ACSBG2: variants seen among roughly 807,000 people sequenced by gnomAD.
ACSBG2 encodes long-chain-fatty-acid--CoA ligase ACSBG2.
A neutral mutation model predicts 74.7 loss-of-function variants in ACSBG2; 62 were observed. The observed-to-expected ratio is 0.83, with a 90% CI of 0.68 to 1.03. The LOEUF (loss-of-function observed/expected upper bound fraction) is 1.03. Ranked by LOEUF, ACSBG2 falls within the 50% of genes least tolerant of loss-of-function variation. ACSBG2 has a pLI of 0.00. For missense variants in ACSBG2, 730 were observed against 817.6 expected, an observed-to-expected ratio of 0.89 and a Z score of 1.31; for synonymous variants, 309 against 294.1, an observed-to-expected ratio of 1.05 and a Z score of -0.52.
At chr19:6,166,224 T>C (rs1287045188) in intron 7 of ACSBG2, among the ~76,000 whole-genome samples, 4 of 151,042 alleles carry the variant, frequency 2.6e-5, no homozygotes, top group African/African-American at 7.3e-5. Flanking sequence ...AGCAGAAAAA[T>C]GTCTGGCAGG....
At chr19:6,188,389 C>G (rs1214684423) in intron 13 of ACSBG2, among the ~76,000 whole-genome samples, 1 of 152,164 alleles carries the variant, frequency 6.6e-6, no homozygotes, top group East Asian at 1.9e-4. Flanking sequence ...GCCTGTAATC[C>G]CAACACTTTG....
In ACSBG2 at chr19:6,187,579, A is replaced by G; in HGVS notation, c.1681-20A>G. ...TGCTGGTCAAGGAGCATGGGTGGTG[A>G]CAGAGGTGTCTGGGGGCAGTGTGAG... is the stretch of plus-strand genomic sequence containing the variant. On this transcript the variant is annotated intron_variant, in intron 12 of 14. Transcript: ENST00000588485. 1 of 1,613,766 alleles carries G rather than the reference A, an allele frequency of 6.2e-7. No individual in the cohort carries two copies. The highest frequency in any genetic ancestry group is 8.5e-7 in the Non-Finnish European group (1 of 1,179,850).
At chr19:6,150,102 AT>A (rs1394780275) in intron 3 of ACSBG2, among the ~76,000 whole-genome samples, 3 of 151,622 alleles carry the variant, frequency 2.0e-5, no homozygotes, top group East Asian at 3.9e-4. Flanking sequence ...AAAAATAATA[AT>A]AATAAAATAA....
chr19:6,145,494 G>C (rs1290212243), intron 2 of ACSBG2, among the ~76,000 whole-genome samples: 1 of 150,624 alleles, frequency 6.6e-6, no homozygotes, highest in Non-Finnish European at 1.5e-5. Flanking sequence ...CAACACAGCT[G>C]CCTACTCTAC....
chr19:6,179,060 G>A (rs148332151), intron 8 of ACSBG2, among the ~76,000 whole-genome samples: 49 of 152,224 alleles, frequency 3.2e-4, no homozygotes, highest in Admixed American at 5.9e-4. Flanking sequence ...AAGTAAGGGC[G>A]GTTTTCTGGA....
At position 6,139,066 on chromosome 19, in the gene ACSBG2, C is replaced by T. The variant is rs181160750; in HGVS notation, c.-31-2447C>T. Among the ~76,000 whole-genome samples, 6 of 149,886 alleles carry T rather than the reference C, an allele frequency of 4.0e-5. No individual in the cohort carries two copies. In the East Asian group the frequency reaches 7.9e-4, roughly 20 times the overall value. ...AACTCCGTAGGCTCATTCAAGTTCACTTTACTTATTTTTAAAATTAAACTT... is the reference window on the plus strand; with the variant it reads ...AACTCCGTAGGCTCATTCAAGTTCATTTTACTTATTTTTAAAATTAAACTT... On this transcript the variant is annotated intron_variant, in intron 1 of 14. Transcript: ENST00000588485.
rs138770271 is a variant in ACSBG2, at chr19:6,183,538, G to A, written c.1322+266G>A. ...TGTGAGTTCTGCCTTCAAGGTCACC[G>A]CCTGTGACCTCAGCACCTTTCATCC... On this transcript the variant is annotated intron_variant, in intron 10 of 14. Coordinates refer to ENST00000588485, the MANE Select transcript of ACSBG2 (RefSeq NM_030924.5). Among the ~76,000 whole-genome samples, 990 of 152,264 alleles carry A rather than the reference G, an allele frequency of 6.5e-3. 7 individuals carry two copies. The highest frequency in any genetic ancestry group is 9.1e-3 in the Non-Finnish European group (622 of 68,016).
Position 6,154,402 on chromosome 19 carries a change from AAGAGAGAGAGAGAGAG to A in ACSBG2, c.387-2013_387-1998del, listed in dbSNP as rs547084046. Among the ~76,000 whole-genome samples, 3 of 83,268 alleles carry A rather than the reference AAGAGAGAGAGAGAGAG, an allele frequency of 3.6e-5. No homozygotes were observed. The South Asian group carries it at 1.2e-3, about 33-fold the overall frequency. The allele number at this position is 83,268 out of a possible 152,430, so 54.6% of individuals were successfully genotyped here. A position where few individuals can be genotyped will look rare whatever the true frequency, so the allele number is the denominator to read the frequency against. ...AACAAGAGCAAAACTCCGTCTCAAA[AAGAGAGAGAGAGAGAG>A]AGAGAGAGAGAGAGAAAATTATTAT... On this transcript the variant is annotated intron_variant, in intron 4 of 14. Coordinates refer to ENST00000588485, the MANE Select transcript of ACSBG2 (RefSeq NM_030924.5).
At chr19:6,162,264 CA>C (rs57505930) in intron 6 of ACSBG2, among the ~76,000 whole-genome samples, 708 of 62,864 alleles carry the variant, frequency 0.011, 2 homozygotes, top group African/African-American at 0.048. Context: ...GACTCTGTCT[CA>C]AAAAAAAAAA....
chr19:6,177,409 A>G lies in ACSBG2; in HGVS notation c.906+13A>G. ...AGATGCTCTCAAGGTAAGATTGAGT[A>G]AGGACCTGGGGCTCCGACTTCATCC... On this transcript the variant is annotated intron_variant, in intron 8 of 14. Transcript: ENST00000588485. 2 of 1,577,798 alleles carry G rather than the reference A, an allele frequency of 1.3e-6. No individual in the cohort carries two copies. Among genetic ancestry groups the G allele is most frequent in the African/African-American group, 1.4e-5 (1 of 73,790 alleles).
rs1040385641 is a variant in ACSBG2, at chr19:6,193,026, C to T, written c.*394C>T. On this transcript the variant is annotated 3_prime_UTR_variant, in exon 15 of 15. Coordinates refer to ENST00000588485, the MANE Select transcript of ACSBG2 (RefSeq NM_030924.5). ...TTGAAGAACTGGACCCCCAAATCAA[C>T]TCACCTGCCTGGAAGCAACTGGGAA... is the stretch of plus-strand genomic sequence containing the variant. 3 of 152,190 alleles carry T rather than the reference C, an allele frequency of 2.0e-5. No individual in the cohort carries two copies. The highest frequency in any genetic ancestry group is 7.2e-5 in the African/African-American group (3 of 41,434). The allele number at this position is 152,190 out of a possible 1,614,324, so 9.4% of individuals were successfully genotyped here. A position where few individuals can be genotyped will look rare whatever the true frequency, so the allele number is the denominator to read the frequency against.
chr19:6,147,507 C>T lies in ACSBG2; in HGVS notation c.129C>T (p.His43=), dbSNP rs749474710. ...DGEVLLRLSK[H]GPGHETPMTI... is the part of the protein sequence containing the mutation. ...AAGTCCTTCTGAGGCTATCCAAACACGGACCAGGCCATGAGACCCCGATGA... is the reference window on the plus strand; with the variant it reads ...AAGTCCTTCTGAGGCTATCCAAACATGGACCAGGCCATGAGACCCCGATGA... Residue 43 remains histidine (H), a synonymous_variant, in exon 3 of 15, where the codon CAC becomes CAT. Transcript: ENST00000588485. 5.3e-5 allele frequency: 86 copies of T among 1,614,180 alleles called. No homozygotes were observed. The African/African-American group carries it at 6.3e-4, about 12-fold the overall frequency.
At chr19:6,164,835 C>A (rs536005686) in intron 6 of ACSBG2, among the ~76,000 whole-genome samples, 48 of 152,128 alleles carry the variant, frequency 3.2e-4, no homozygotes, top group Non-Finnish European at 5.0e-4. Context: ...TCGATACAAC[C>A]CAAGAGTTCA....
intron 10 of ACSBG2, among the ~76,000 whole-genome samples, chr19:6,184,910 TTTTTTG>T (rs146001786): frequency 1.0e-4 from 15 of 147,790 alleles, no homozygotes; most frequent in East Asian, 4.1e-4. Context: ...TTTTCTTTCA[TTTTTTG>T]TTTTTGTTTT....
chr19:6,177,166 A>T (rs942212148), intron 7 of ACSBG2, 63 bp from the exon 8 acceptor site: 1 of 1,563,586 alleles, frequency 6.4e-7, no homozygotes, highest in African/African-American at 1.4e-5. Context: ...ATAAATAAAA[A>T]TTTAAAAATA....
chr19:6,190,470 A>G (rs1441243036), intron 13 of ACSBG2, 114 bp from the exon 14 acceptor site: 1 of 846,388 alleles, frequency 1.2e-6, no homozygotes, highest in African/African-American at 1.7e-5. Context: ...AGTCAATGGC[A>G]CAGCCAGCCA....
intron 6 of ACSBG2, among the ~76,000 whole-genome samples, chr19:6,165,273 T>G (rs941615844): frequency 2.6e-5 from 4 of 152,224 alleles, no homozygotes; most frequent in Non-Finnish European, 2.9e-5. Flanking sequence ...ACATCTTGAC[T>G]CATTCACATA....
chr19:6,158,411 T>C (rs11672830), intron 5 of ACSBG2, among the ~76,000 whole-genome samples: 89,425 of 150,656 alleles, frequency 0.59, 27,755 homozygotes, highest in Admixed American at 0.69. Flanking sequence ...GTTTTATTTG[T>C]GTACAGTGAA....
rs886411425 is a variant in ACSBG2 at position 6,135,699 on chromosome 19, C to T, written c.-242C>T. On this transcript the variant is annotated 5_prime_UTR_variant, in exon 1 of 15. Coordinates refer to ENST00000588485, the MANE Select transcript of ACSBG2 (RefSeq NM_030924.5). ...GTAGAAGGCCTGTTGTGGAGGGAAA[C>T]CACCCATCCTCCTGCCTCCCACCAC... 6.6e-6 allele frequency: 1 copy of T among 152,262 alleles called. No homozygotes were observed. Among genetic ancestry groups the T allele is most frequent in the African/African-American group, 2.4e-5 (1 of 41,418 alleles). The allele number at this position is 152,262 out of a possible 1,614,324, so 9.4% of individuals were successfully genotyped here.
Sources: gnomAD v4.1 joint callset for allele counts (sites outside exome capture counted in the v4.1 genomes callset) on GRCh38, gnomAD v4.1.1 for gene constraint, MANE v1.5 for transcripts, NCBI Gene and HGNC (gene_info 2026-07-23, HGNC 2026-07-21) for gene names.